The following GALNT13 variants were observed in gnomAD, a reference collection of about 807,000 sequenced individuals.
The protein encoded by GALNT13 is polypeptide N-acetylgalactosaminyltransferase 13, also known as UDP-GalNAc:polypeptide N-acetylgalactosaminyltransferase 13.
In GALNT13, 28 loss-of-function variants were observed where a neutral mutation model predicts 64.2. The ratio of observed to expected loss-of-function variants is 0.44; its 90% CI spans 0.32 to 0.60. The LOEUF (loss-of-function observed/expected upper bound fraction) is 0.60. GALNT13 is among the 20% of genes least tolerant of loss of function. The pLI is 0.05. For synonymous variants in GALNT13, 214 were observed against 224.6 expected (o/e 0.95, Z 0.42); for missense variants, 577 against 669.8 (o/e 0.86, Z 1.53).
the GALNT13 span, among the ~76,000 whole-genome samples, chr2:153,439,450 G>T: frequency 6.6e-6 from 1 of 152,182 alleles, no homozygotes; most frequent in Non-Finnish European, 1.5e-5. Context: ...GCCTCCTTGA[G>T]CTGTGGTGGG....
chr2:153,203,642 G>C, the GALNT13 span, among the ~76,000 whole-genome samples: 1 of 152,130 alleles, frequency 6.6e-6, no homozygotes, highest in Non-Finnish European at 1.5e-5. Flanking sequence ...TAATCTCTAT[G>C]CTATATAGTT....
At chr2:153,422,127 C>G in the GALNT13 span, among the ~76,000 whole-genome samples, 1 of 151,946 alleles carries the variant, frequency 6.6e-6, no homozygotes, top group Non-Finnish European at 1.5e-5. Context: ...AATGGAAATT[C>G]GAAAATATTT....
At chr2:153,484,212 T>G in the GALNT13 span, among the ~76,000 whole-genome samples, 1 of 152,168 alleles carries the variant, frequency 6.6e-6, no homozygotes, top group Admixed American at 6.5e-5. Context: ...CTATACTTAT[T>G]TGAACATAGC....
chr2:153,151,452 C>T, the GALNT13 span, among the ~76,000 whole-genome samples: 1 of 151,932 alleles, frequency 6.6e-6, no homozygotes, highest in Non-Finnish European at 1.5e-5. Flanking sequence ...ACTAGACATA[C>T]CATTTGACCC....
chr2:153,212,822 T>C, the GALNT13 span, among the ~76,000 whole-genome samples: 1 of 152,212 alleles, frequency 6.6e-6, no homozygotes, highest in African/African-American at 2.4e-5. Context: ...CATTTATTTA[T>C]TTAGATAGAA....
chr2:153,678,867 A>G, the GALNT13 span, among the ~76,000 whole-genome samples: 1 of 152,006 alleles, frequency 6.6e-6, no homozygotes, highest in African/African-American at 2.4e-5. Context: ...AATTGGAACT[A>G]CATATCCCAG....
chr2:153,586,264 G>T, the GALNT13 span, among the ~76,000 whole-genome samples: 1 of 152,096 alleles, frequency 6.6e-6, no homozygotes, highest in Non-Finnish European at 1.5e-5. Flanking sequence ...GATTGAATGG[G>T]TAAAAGACCA....
chr2:154,369,159 G>T (rs1448991352), intron 9 of GALNT13, among the ~76,000 whole-genome samples: 1 of 151,718 alleles, frequency 6.6e-6, no homozygotes, highest in Non-Finnish European at 1.5e-5. Flanking sequence ...AATTTAGGGA[G>T]CCCTAAAAAG....
the GALNT13 span, among the ~76,000 whole-genome samples, chr2:153,822,451 C>T: frequency 6.6e-6 from 1 of 152,014 alleles, no homozygotes; most frequent in African/African-American, 2.4e-5. Context: ...AAATATGACT[C>T]ACAACATAAA....
At chr2:153,633,054 C>A in the GALNT13 span, among the ~76,000 whole-genome samples, 1 of 152,126 alleles carries the variant, frequency 6.6e-6, no homozygotes, top group Non-Finnish European at 1.5e-5. Context: ...AGCCACCATA[C>A]GCAGCGCCAT....
At chr2:153,585,440 G>T in the GALNT13 span, among the ~76,000 whole-genome samples, 2 of 152,174 alleles carry the variant, frequency 1.3e-5, no homozygotes, top group Non-Finnish European at 2.9e-5. Flanking sequence ...TATGTTGGTT[G>T]AACACACTCA....
intron 4 of GALNT13, among the ~76,000 whole-genome samples, chr2:154,198,782 G>T (rs765193923): frequency 6.6e-6 from 1 of 151,932 alleles, no homozygotes; most frequent in African/African-American, 2.4e-5. Flanking sequence ...ACTTAATAAG[G>T]TTATCTTACA....
At chr2:153,399,088 A>C in the GALNT13 span, among the ~76,000 whole-genome samples, 4 of 131,304 alleles carry the variant, frequency 3.0e-5, no homozygotes, top group East Asian at 6.4e-4. Context: ...TCCATCTTGA[A>C]TTGATTTTTG....
At chr2:153,751,862 T>A in the GALNT13 span, among the ~76,000 whole-genome samples, 1 of 151,852 alleles carries the variant, frequency 6.6e-6, no homozygotes, top group Non-Finnish European at 1.5e-5. Flanking sequence ...AACTTACTCC[T>A]GCCATTTTGT....
At chr2:153,391,563 T>TGTTTCAAA in the GALNT13 span, among the ~76,000 whole-genome samples, 1 of 152,100 alleles carries the variant, frequency 6.6e-6, no homozygotes, top group African/African-American at 2.4e-5. Flanking sequence ...TAATTTATCA[T>TGTTTCAAA]TTTGGATTTG....
the GALNT13 span, among the ~76,000 whole-genome samples, chr2:153,733,208 G>A: frequency 6.6e-6 from 1 of 152,058 alleles, no homozygotes; most frequent in Non-Finnish European, 1.5e-5. Flanking sequence ...TGTTATTATG[G>A]GTGAAAGTAT....
chr2:153,764,883 C>T, the GALNT13 span, among the ~76,000 whole-genome samples: 1 of 152,236 alleles, frequency 6.6e-6, no homozygotes, highest in East Asian at 1.9e-4. Flanking sequence ...CCAAGTATGG[C>T]TCAGGCCATT....
At chr2:153,805,604 A>G in the GALNT13 span, among the ~76,000 whole-genome samples, 1 of 152,220 alleles carries the variant, frequency 6.6e-6, no homozygotes, top group East Asian at 1.9e-4. Context: ...GGAGGAGAAT[A>G]TAATATGCTC....
chr2:153,685,648 T>C, the GALNT13 span, among the ~76,000 whole-genome samples: 1 of 152,188 alleles, frequency 6.6e-6, no homozygotes, highest in Admixed American at 6.5e-5. Context: ...TCTTTTGCTG[T>C]GCAGAAGCTC....
Sources: allele counts gnomAD v4.1 joint callset (sites outside exome capture counted in the v4.1 genomes callset), GRCh38; gene constraint gnomAD v4.1.1; transcripts MANE v1.5; gene names NCBI Gene and HGNC (gene_info 2026-07-23, HGNC 2026-07-21).